Variants in FBXW7 observed in about 807,000 individuals in gnomAD.
FBXW7 encodes the protein F-box/WD repeat-containing protein 7.
In FBXW7, 11 loss-of-function variants were observed where a neutral mutation model predicts 86.3. That is an observed-to-expected ratio of 0.13 (90% CI 0.08 to 0.21). FBXW7 has a LOEUF of 0.21. Among genes scored for constraint, FBXW7 ranks in the 10% least tolerant of loss-of-function variants. The pLI is 1.00. For missense variants in FBXW7, 488 were observed against 847.4 expected, an observed-to-expected ratio of 0.58 and a Z score of 5.27; for synonymous variants, 313 against 297.9, an observed-to-expected ratio of 1.05 and a Z score of -0.52.
intron 2 of FBXW7, among the ~76,000 whole-genome samples, chr4:152,414,638 T>G (rs534903904): frequency 6.6e-6 from 1 of 152,132 alleles, no homozygotes; most frequent in African/African-American, 2.4e-5. Context: ...ATAGCTCAGA[T>G]AAAATAAAGT....
chr4:152,521,944 C>G (rs555721797), intron 2 of FBXW7, among the ~76,000 whole-genome samples: 17 of 151,424 alleles, frequency 1.1e-4, no homozygotes, highest in Non-Finnish European at 2.2e-4. Flanking sequence ...CTCAGCCTCC[C>G]CAGTAGCTGA....
intron 2 of FBXW7, among the ~76,000 whole-genome samples, chr4:152,487,051 G>T (rs1348018455): frequency 6.6e-6 from 1 of 152,126 alleles, no homozygotes; most frequent in African/African-American, 2.4e-5. Context: ...AATTAATGAA[G>T]AAACCATGAG....
At chr4:152,330,920 T>G in intron 8 of FBXW7, 52 bp from the exon 9 acceptor site, 1 of 1,554,722 alleles carries the variant, frequency 6.4e-7, no homozygotes, top group Non-Finnish European at 8.8e-7. Context: ...ATAACAGTTA[T>G]ACATTTTATA....
chr4:152,369,564 A>C (rs763120192), intron 4 of FBXW7, among the ~76,000 whole-genome samples: 4 of 152,100 alleles, frequency 2.6e-5, no homozygotes, highest in Admixed American at 6.6e-5. Flanking sequence ...ATTTTGTAAT[A>C]AAGTTTGTAA....
At position 152,411,660 on chromosome 4, in the gene FBXW7, T is replaced by C; in HGVS notation, c.144A>G (p.Gln48=). 1 of 1,613,984 alleles carries C rather than the reference T, an allele frequency of 6.2e-7. No homozygotes were observed. Among genetic ancestry groups the C allele is most frequent in the Non-Finnish European group, 8.5e-7 (1 of 1,179,896 alleles). Residue 48 remains glutamine (Q), a synonymous_variant, in exon 4 of 14, where the codon CAA becomes CAG. Coordinates refer to ENST00000281708, the MANE Select transcript of FBXW7 (RefSeq NM_001349798.2). The part of the protein sequence containing the change: ...EEEQQQQLRQ[Q]EEEHTARNGE... ...CATTCCTTGCAGTGTGCTCCTCCTC[T>C]TGTTGTCTGAGTTGCTGTTGCTGTT...
intron 2 of FBXW7, among the ~76,000 whole-genome samples, chr4:152,495,521 G>GA (rs1196687069): frequency 6.6e-6 from 1 of 152,042 alleles, no homozygotes; most frequent in African/African-American, 2.4e-5. Flanking sequence ...CAGTAACATG[G>GA]AAAAAACAGT....
intron 2 of FBXW7, among the ~76,000 whole-genome samples, chr4:152,439,424 T>TCTA (rs1740678620): frequency 6.6e-6 from 1 of 151,760 alleles, no homozygotes; most frequent in Non-Finnish European, 1.5e-5. Flanking sequence ...TTTATTAGAA[T>TCTA]GGGTACTGGT....
intron 2 of FBXW7, among the ~76,000 whole-genome samples, chr4:152,428,691 A>G (rs924744626): frequency 2.6e-5 from 4 of 152,250 alleles, no homozygotes; most frequent in South Asian, 4.1e-4. Context: ...ATAAGATTCA[A>G]TAAGAGTTAA....
At chr4:152,471,994 C>A (rs956997725) in intron 2 of FBXW7, among the ~76,000 whole-genome samples, 8 of 152,008 alleles carry the variant, frequency 5.3e-5, no homozygotes, top group African/African-American at 1.9e-4. Flanking sequence ...CCACTAAAGA[C>A]TCATACCCAA....
In FBXW7 at chr4:152,410,339, A is replaced by T. The variant is rs1037625218; in HGVS notation, c.501+964T>A. 5.3e-5 allele frequency among the ~76,000 whole-genome samples: 8 copies of T among 152,304 alleles called. 1 individual carries two copies. Among genetic ancestry groups the T allele is most frequent in the Admixed American group, 4.6e-4 (7 of 15,280 alleles). On this transcript the variant is annotated intron_variant, in intron 4 of 13. Transcript: ENST00000281708. ...CTATAAAAGGTCTGAGCCTTAACAA[A>T]GTGGTGCTATAGTTGTTAGTGGTAG...
intron 4 of FBXW7, among the ~76,000 whole-genome samples, chr4:152,401,955 T>C (rs1736970253): frequency 6.6e-6 from 1 of 152,148 alleles, no homozygotes; most frequent in South Asian, 2.1e-4. Flanking sequence ...AAAGGACAAG[T>C]GTATTTCTTC....
At chr4:152,466,898 C>T (rs573923676) in intron 2 of FBXW7, among the ~76,000 whole-genome samples, 49 of 152,162 alleles carry the variant, frequency 3.2e-4, no homozygotes, top group African/African-American at 1.1e-3. Flanking sequence ...GCTGAGATCG[C>T]GCCACTGCAC....
chr4:152,436,688 C>T (rs1740409736), intron 2 of FBXW7, among the ~76,000 whole-genome samples: 1 of 152,190 alleles, frequency 6.6e-6, no homozygotes, highest in Non-Finnish European at 1.5e-5. Flanking sequence ...CTGCTGTTGA[C>T]TTTAGGTAGA....
At chr4:152,372,073 A>T (rs1373705369) in intron 4 of FBXW7, among the ~76,000 whole-genome samples, 2 of 152,054 alleles carry the variant, frequency 1.3e-5, no homozygotes, top group Admixed American at 1.3e-4. Context: ...CTCTACACTC[A>T]TTTAAAGAAT....
At chr4:152,336,329 A>G (rs1730101465) in intron 7 of FBXW7, among the ~76,000 whole-genome samples, 1 of 152,114 alleles carries the variant, frequency 6.6e-6, no homozygotes, top group Admixed American at 6.6e-5. Context: ...ATTTTTCAAA[A>G]TACTTTCATA....
intron 2 of FBXW7, among the ~76,000 whole-genome samples, chr4:152,507,643 G>A (rs1022423171): frequency 2.6e-5 from 4 of 152,176 alleles, no homozygotes; most frequent in Non-Finnish European, 5.9e-5. Flanking sequence ...AGGGGGAATG[G>A]AAGAATTCCG....
chr4:152,406,161 CTA>C (rs1279054528), intron 4 of FBXW7, among the ~76,000 whole-genome samples: 1 of 152,136 alleles, frequency 6.6e-6, no homozygotes, highest in Non-Finnish European at 1.5e-5. Flanking sequence ...TTGAAGATAA[CTA>C]TTTGTGATAT....
At chr4:152,380,577 G>A (rs756752470) in intron 4 of FBXW7, among the ~76,000 whole-genome samples, 59 of 151,652 alleles carry the variant, frequency 3.9e-4, no homozygotes, top group Non-Finnish European at 7.7e-4. Flanking sequence ...AAATTAAATA[G>A]TGACCCCAGA....
chr4:152,519,872 G>C (rs1579419080), intron 2 of FBXW7, among the ~76,000 whole-genome samples: 1 of 152,118 alleles, frequency 6.6e-6, no homozygotes, highest in African/African-American at 2.4e-5. Context: ...TCCCAGTTCT[G>C]CAAGTCAAAA....
Sources: gnomAD v4.1 joint callset for allele counts (sites outside exome capture counted in the v4.1 genomes callset) on GRCh38, gnomAD v4.1.1 for gene constraint, MANE v1.5 for transcripts, NCBI Gene and HGNC (gene_info 2026-07-23, HGNC 2026-07-21) for gene names.